The following PMEPA1 variants were observed in gnomAD, a reference collection of about 807,000 sequenced individuals.
PMEPA1 encodes the protein protein TMEPAI.
PMEPA1 carries 11 observed loss-of-function variants against 23.0 expected under a neutral mutation model. The ratio of observed to expected loss-of-function variants is 0.48; its 90% confidence interval spans 0.30 to 0.79. The LOEUF is 0.79. PMEPA1 is among the 30% of genes least tolerant of loss of function. PMEPA1 has a pLI of 0.06. For synonymous variants in PMEPA1, 204 were observed against 166.4 expected (o/e 1.23, Z -1.74); for missense variants, 377 against 390.9 (o/e 0.96, Z 0.30).
In PMEPA1 at chr20:57,709,862, G is replaced by A. The variant is rs2072146841; in HGVS notation, c.-280C>T. ...CCGGAAAATGGGCTGGCAGCGGGGCGCGCGCTGCCGCCGGGGCTGAGCCTC... is the reference window on the plus strand; with the variant it reads ...CCGGAAAATGGGCTGGCAGCGGGGCACGCGCTGCCGCCGGGGCTGAGCCTC... On this transcript the variant is annotated 5_prime_UTR_variant, in exon 1 of 4. Coordinates refer to ENST00000341744, the MANE Select transcript of PMEPA1 (RefSeq NM_020182.5). 1 of 988,616 alleles carries A rather than the reference G, an allele frequency of 1.0e-6. No individual in the cohort carries two copies. Among genetic ancestry groups the A allele is most frequent in the African/African-American group, 1.7e-5 (1 of 57,198 alleles). 61.2% of individuals were successfully genotyped at this position (988,616 alleles called of 1,614,324 possible). A position where few individuals can be genotyped will look rare whatever the true frequency, so the allele number is the denominator to read the frequency against.
At chr20:57,696,966 G>A (rs2071949926) in intron 1 of PMEPA1, among the ~76,000 whole-genome samples, 1 of 152,340 alleles carries the variant, frequency 6.6e-6, no homozygotes, top group Non-Finnish European at 1.5e-5. Context: ...TGCTCTTCGG[G>A]GAGGCTTGCT....
At chr20:57,687,620 C>T (rs1364561725) in intron 1 of PMEPA1, among the ~76,000 whole-genome samples, 1 of 152,208 alleles carries the variant, frequency 6.6e-6, no homozygotes, top group African/African-American at 2.4e-5. Flanking sequence ...GCCAACTCTT[C>T]CCCAAACATA....
chr20:57,679,647 T>C (rs574737585), intron 1 of PMEPA1, among the ~76,000 whole-genome samples: 1 of 152,328 alleles, frequency 6.6e-6, no homozygotes, highest in African/African-American at 2.4e-5. Flanking sequence ...AGGAACCACT[T>C]GTTCAATTAT....
chr20:57,709,706 CTCGCCGGGCTCGGG>C lies in PMEPA1; in HGVS notation c.-138_-125del. On this transcript the variant is annotated 5_prime_UTR_variant, in exon 1 of 4. Transcript: ENST00000341744. ...GCGCGGCGGGGGAGGCGCGCCCCGG[CTCGCCGGGCTCGGG>C]TCGCCGCCAAGTTCCCGGGGCGCCG... 1.0e-6 allele frequency: 1 copy of C among 978,024 alleles called. No homozygotes were observed. Among genetic ancestry groups the C allele is most frequent in the Non-Finnish European group, 1.2e-6 (1 of 826,942 alleles). 60.6% of individuals were successfully genotyped at this position (978,024 alleles called of 1,614,324 possible).
At position 57,651,422 on chromosome 20, in the gene PMEPA1, T is replaced by C. The variant is rs2071226241; in HGVS notation, c.*631A>G. On this transcript the variant is annotated 3_prime_UTR_variant, in exon 4 of 4. Coordinates refer to ENST00000341744, the MANE Select transcript of PMEPA1 (RefSeq NM_020182.5). ...TCCATCAAGCAAGCACTGACATATTTATATTAAAAAATAGTGCAAAATCTC... is the reference window on the plus strand; with the variant it reads ...TCCATCAAGCAAGCACTGACATATTCATATTAAAAAATAGTGCAAAATCTC... 1 of 152,676 alleles carries C rather than the reference T, an allele frequency of 6.5e-6. No individual in the cohort carries two copies. The allele number at this position is 152,676 out of a possible 1,614,324, so 9.5% of individuals were successfully genotyped here. A position where few individuals can be genotyped will look rare whatever the true frequency, so the allele number is the denominator to read the frequency against.
At chr20:57,689,249 CCT>C (rs1262403430) in intron 1 of PMEPA1, among the ~76,000 whole-genome samples, 3 of 152,212 alleles carry the variant, frequency 2.0e-5, no homozygotes, top group South Asian at 2.1e-4. Flanking sequence ...CTACCCACCC[CCT>C]CTCTTCTATC....
Position 57,683,779 on chromosome 20 carries a change from A to G in PMEPA1, c.110-24082T>C, listed in dbSNP as rs531046135. Among the ~76,000 whole-genome samples, 1 of 151,834 alleles carries G rather than the reference A, an allele frequency of 6.6e-6. No homozygotes were observed. Among genetic ancestry groups the G allele is most frequent in the South Asian group, 2.1e-4 (1 of 4,736 alleles). Reference sequence around the variant, plus strand: ...GCTGCCACCAAGAGGGAAGGACTAGAGCCCAGCAGCTCTCAGAGTTCTTGG... The same window carrying G: ...GCTGCCACCAAGAGGGAAGGACTAGGGCCCAGCAGCTCTCAGAGTTCTTGG... On this transcript the variant is annotated intron_variant, in intron 1 of 3. Transcript: ENST00000341744. This position sits in a 1 kb window ranked among gnomAD's most constrained non-coding sequence, Gnocchi z 4.3.
intron 1 of PMEPA1, among the ~76,000 whole-genome samples, chr20:57,699,840 T>C (rs2071987434): frequency 6.6e-6 from 1 of 152,198 alleles, no homozygotes; most frequent in African/African-American, 2.4e-5. Context: ...GTGACACACC[T>C]GTGGGAGGTG....
chr20:57,656,443 A>G lies in PMEPA1; in HGVS notation c.264+3100T>C, dbSNP rs993908559. On this transcript the variant is annotated intron_variant, in intron 2 of 3. Transcript: ENST00000341744. This position sits in a 1 kb window ranked among gnomAD's most constrained non-coding sequence, Gnocchi z 4.7. Reference sequence around the variant, plus strand: ...AAAGGGTCACCCCATCCAAGGCCTGAGTTCCTAGTCTGAGCAGGCCTTGGG... The same window carrying G: ...AAAGGGTCACCCCATCCAAGGCCTGGGTTCCTAGTCTGAGCAGGCCTTGGG... Among the ~76,000 whole-genome samples the G allele has an allele frequency of 6.6e-6, 1 of 151,960 alleles. No homozygotes were observed. The highest frequency in any genetic ancestry group is 6.5e-5 in the Admixed American group (1 of 15,280).
At chr20:57,685,285 G>C (rs1163913214) in intron 1 of PMEPA1, among the ~76,000 whole-genome samples, 3 of 152,238 alleles carry the variant, frequency 2.0e-5, no homozygotes, top group African/African-American at 7.2e-5. Context: ...AGAAAAGCCA[G>C]TGTGGGCTAG....
rs1012820441 is a variant in PMEPA1 at position 57,694,409 on chromosome 20, T to C, written c.109+15065A>G. On this transcript the variant is annotated intron_variant, in intron 1 of 3. Transcript: ENST00000341744. ...GCAATAATACTCACGAAATCGACAA[T>C]GTGCTTGTTATATTTTTCCTAACAT... Among the ~76,000 whole-genome samples the C allele has an allele frequency of 1.3e-5, 2 of 152,248 alleles. 1 individual carries two copies. The highest frequency in any genetic ancestry group is 4.1e-4 in the South Asian group (2 of 4,838).
intron 1 of PMEPA1, among the ~76,000 whole-genome samples, chr20:57,708,319 C>T (rs2072115937): frequency 6.6e-6 from 1 of 152,180 alleles, no homozygotes; most frequent in South Asian, 2.1e-4. Context: ...AACTAAAGCT[C>T]AGGGAAGCAA....
At chr20:57,705,892 C>T (rs59638329) in intron 1 of PMEPA1, among the ~76,000 whole-genome samples, 8,818 of 152,132 alleles carry the variant, frequency 0.058, 548 homozygotes, top group African/African-American at 0.16. Flanking sequence ...CTTTCCTGCC[C>T]CCCAACAAAG....
chr20:57,669,673 G>T (rs762261232), intron 1 of PMEPA1, among the ~76,000 whole-genome samples: 3 of 152,148 alleles, frequency 2.0e-5, no homozygotes, highest in Non-Finnish European at 4.4e-5. Flanking sequence ...AAAAATACAG[G>T]TGAAACCTTC....
rs1253139985 is a variant in PMEPA1, at chr20:57,655,756, C to G, written c.265-2670G>C. Among the ~76,000 whole-genome samples, 1 of 152,182 alleles carries G rather than the reference C, an allele frequency of 6.6e-6. No homozygotes were observed. Among genetic ancestry groups the G allele is most frequent in the Non-Finnish European group, 1.5e-5 (1 of 68,034 alleles). ...ACTCCTCTTCTTTGAAGTGGGCGCACCCAGTCCACCTGCGCCTTCCCCATT... is the reference window on the plus strand; with the variant it reads ...ACTCCTCTTCTTTGAAGTGGGCGCAGCCAGTCCACCTGCGCCTTCCCCATT... On this transcript the variant is annotated intron_variant, in intron 2 of 3. Transcript: ENST00000341744. The surrounding 1 kb of genome is among the most constrained non-coding windows in gnomAD (Gnocchi z 4.2).
Position 57,682,024 on chromosome 20 carries a change from G to A in PMEPA1, c.110-22327C>T, listed in dbSNP as rs1216156793. The stretch of plus-strand genomic sequence containing the variant: ...CCTCCTCCGTTCAGTATCTGACTCT[G>A]TTTCCCATCTGCACCAGACTAGTAG... On this transcript the variant is annotated intron_variant, in intron 1 of 3. Transcript: ENST00000341744. The surrounding 1 kb of genome is among the most constrained non-coding windows in gnomAD (Gnocchi z 4.4). 2.6e-5 allele frequency among the ~76,000 whole-genome samples: 4 copies of A among 152,212 alleles called. No individual in the cohort carries two copies. The highest frequency in any genetic ancestry group is 2.6e-4 in the Admixed American group (4 of 15,276).
At chr20:57,710,848 G>A (rs912269387), upstream of PMEPA1, 1 of 192,446 alleles carries the variant, frequency 5.2e-6, no homozygotes, top group Non-Finnish European at 1.1e-5. Context: ...TTACATAAGA[G>A]ACCTCCCCTC....
At chr20:57,702,397 C>G (rs1412832389) in intron 1 of PMEPA1, among the ~76,000 whole-genome samples, 1 of 152,198 alleles carries the variant, frequency 6.6e-6, no homozygotes, top group Non-Finnish European at 1.5e-5. Context: ...CCTCATGCAG[C>G]CTGACAAGGC....
At position 57,704,717 on chromosome 20, in the gene PMEPA1, C is replaced by T. The variant is rs1302820262; in HGVS notation, c.109+4757G>A. 6.6e-6 allele frequency among the ~76,000 whole-genome samples: 1 copy of T among 152,192 alleles called. No homozygotes were observed. Among genetic ancestry groups the T allele is most frequent in the Admixed American group, 6.5e-5 (1 of 15,284 alleles). On this transcript the variant is annotated intron_variant, in intron 1 of 3. Transcript: ENST00000341744. This position sits in a 1 kb window ranked among gnomAD's most constrained non-coding sequence, Gnocchi z 4.6. ...CATTTTCTGGCTTTTAAACTATTGA[C>T]CGGACTATAAACGTTTAAACCCCCT... is the stretch of plus-strand genomic sequence containing the variant.
Sources: allele counts gnomAD v4.1 joint callset (sites outside exome capture counted in the v4.1 genomes callset), GRCh38; gene constraint gnomAD v4.1.1; non-coding constraint Gnocchi (gnomAD v3.1); transcripts MANE v1.5; gene names NCBI Gene and HGNC (gene_info 2026-07-23, HGNC 2026-07-21).